CADM2: variants seen among roughly 807,000 people sequenced by gnomAD.
CADM2 encodes immunoglobulin superfamily member 4D.
CADM2 carries 12 observed loss-of-function variants against 49.8 expected under a neutral mutation model. The observed-to-expected ratio is 0.24, with a 90% CI of 0.15 to 0.39. CADM2 has a LOEUF of 0.39. CADM2 is among the 10% of genes least tolerant of loss of function. The pLI is 1.00. For missense variants in CADM2, 378 were observed against 492.3 expected (o/e 0.77, Z 2.20); for synonymous variants, 214 against 175.4 (o/e 1.22, Z -1.74).
At chr3:85,103,188 G>C (rs762790608) in intron 1 of CADM2, among the ~76,000 whole-genome samples, 26 of 152,156 alleles carry the variant, frequency 1.7e-4, no homozygotes, top group African/African-American at 5.8e-4. Flanking sequence ...ATGTTTTAAC[G>C]TAGGGAGAAA....
chr3:85,854,496 G>A (rs951437063), intron 3 of CADM2, among the ~76,000 whole-genome samples: 1 of 152,072 alleles, frequency 6.6e-6, no homozygotes, highest in Non-Finnish European at 1.5e-5. Context: ...TGATTAATCT[G>A]GAAACCATAA....
intron 1 of CADM2, among the ~76,000 whole-genome samples, chr3:85,249,791 G>T (rs2107857266): frequency 6.6e-6 from 1 of 151,884 alleles, no homozygotes; most frequent in Admixed American, 6.6e-5. Flanking sequence ...ATTCTCTAGA[G>T]ATTTACAAAG....
intron 1 of CADM2, among the ~76,000 whole-genome samples, chr3:85,536,431 T>C (rs1215014011): frequency 6.6e-6 from 1 of 151,486 alleles, no homozygotes; most frequent in Non-Finnish European, 1.5e-5. Flanking sequence ...TTAGCCTTTT[T>C]AAATTTTTGG....
Position 85,878,252 on chromosome 3 carries a change from C to A in CADM2, c.239-5039C>A, listed in dbSNP as rs560898841. Among the ~76,000 whole-genome samples the A allele has an allele frequency of 3.9e-5, 6 of 152,090 alleles. No individual in the cohort carries two copies. In the South Asian group the frequency reaches 1.2e-3, roughly 32 times the overall value. On this transcript the variant is annotated intron_variant, in intron 3 of 9. Coordinates refer to ENST00000383699, the MANE Select transcript of CADM2 (RefSeq NM_001167675.2). Reference sequence around the variant, plus strand: ...CAGTTCTAAAATTCTAAACCACATTCTTTATACTTTCACTGTGATGTAGCA... The same window carrying A: ...CAGTTCTAAAATTCTAAACCACATTATTTATACTTTCACTGTGATGTAGCA...
Position 85,486,941 on chromosome 3 carries a change from AT to A in CADM2, c.62-239569del, listed in dbSNP as rs11412583. ...ATATAGAATGTAAGCACTTTTAATA[AT>A]TTTTTTTTTTTAAATCACAGTGGGC... On this transcript the variant is annotated intron_variant, in intron 1 of 9. Coordinates refer to ENST00000383699, the MANE Select transcript of CADM2 (RefSeq NM_001167675.2). Among the ~76,000 whole-genome samples the A allele has an allele frequency of 2.5e-3, 375 of 149,648 alleles. 1 individual carries two copies. Among genetic ancestry groups the A allele is most frequent in the Middle Eastern group, 0.014 (4 of 286 alleles).
At chr3:85,192,698 C>T (rs11928383) in intron 1 of CADM2, among the ~76,000 whole-genome samples, 4,245 of 151,366 alleles carry the variant, frequency 0.028, 189 homozygotes, top group African/African-American at 0.096. Flanking sequence ...AAGATTTGTG[C>T]GGGAGGTGGG....
intron 1 of CADM2, among the ~76,000 whole-genome samples, chr3:85,585,741 T>TA (rs952927268): frequency 6.6e-6 from 1 of 151,992 alleles, no homozygotes; most frequent in African/African-American, 2.4e-5. Flanking sequence ...GACAAAATAA[T>TA]AGAGATTTAG....
chr3:84,970,476 A>ATCT (rs5850656), intron 1 of CADM2, among the ~76,000 whole-genome samples: 4 of 151,730 alleles, frequency 2.6e-5, no homozygotes, highest in Admixed American at 2.6e-4. Context: ...CTTAAAAGTC[A>ATCT]AGTTTTTCTT....
At chr3:85,097,334 A>AT (rs1210343890) in intron 1 of CADM2, among the ~76,000 whole-genome samples, 7 of 152,198 alleles carry the variant, frequency 4.6e-5, no homozygotes, top group Admixed American at 2.6e-4. Context: ...TGAATTCTTC[A>AT]TTTTTTATGG....
chr3:85,637,720 T>C (rs998729459), intron 1 of CADM2, among the ~76,000 whole-genome samples: 6 of 152,016 alleles, frequency 3.9e-5, no homozygotes, highest in African/African-American at 1.4e-4. Context: ...GACAATAACT[T>C]AGCCAAGAGC....
intron 1 of CADM2, among the ~76,000 whole-genome samples, chr3:85,371,218 A>G (rs574136890): frequency 6.6e-6 from 1 of 152,216 alleles, no homozygotes; most frequent in East Asian, 1.9e-4. Context: ...GCATACCATA[A>G]TGTCCAAGTT....
intron 7 of CADM2, among the ~76,000 whole-genome samples, chr3:85,957,061 G>T (rs1405228366): frequency 6.6e-6 from 1 of 151,534 alleles, no homozygotes; most frequent in Non-Finnish European, 1.5e-5. Flanking sequence ...GTGACTTTGT[G>T]GAAAGGGCAA....
At chr3:85,953,884 A>ATTTCTTT (rs1269432200) in intron 7 of CADM2, among the ~76,000 whole-genome samples, 2 of 150,950 alleles carry the variant, frequency 1.3e-5, no homozygotes, top group Admixed American at 1.3e-4. Context: ...TAAGTGTAGA[A>ATTTCTTT]TAGGACATTT....
At chr3:86,007,151 C>A (rs73134182) in intron 8 of CADM2, among the ~76,000 whole-genome samples, 1,541 of 147,774 alleles carry the variant, frequency 0.01, 22 homozygotes, top group Middle Eastern at 0.068. Flanking sequence ...TCCATTCTCC[C>A]GAAATTCTTA....
At chr3:85,197,134 G>A in intron 1 of CADM2, among the ~76,000 whole-genome samples, 1 of 151,822 alleles carries the variant, frequency 6.6e-6, no homozygotes, top group East Asian at 1.9e-4. Context: ...GAAGAAGGAA[G>A]AATCAAATGT....
chr3:85,577,984 T>TTTCCTTCCTTCTTCC (rs1553744874), intron 1 of CADM2, among the ~76,000 whole-genome samples: 1 of 134,220 alleles, frequency 7.5e-6, no homozygotes, highest in Non-Finnish European at 1.6e-5. Context: ...TATTAATCTC[T>TTTCCTTCCTTCTTCC]TTCCTTCCTT....
chr3:85,661,080 T>C (rs1291779563), intron 1 of CADM2, among the ~76,000 whole-genome samples: 1 of 152,126 alleles, frequency 6.6e-6, no homozygotes, highest in Non-Finnish European at 1.5e-5. Flanking sequence ...ATTTTAACCA[T>C]TGCTGTGAAC....
intron 1 of CADM2, among the ~76,000 whole-genome samples, chr3:85,235,716 A>T (rs1576181704): frequency 6.6e-6 from 1 of 152,202 alleles, no homozygotes; most frequent in East Asian, 1.9e-4. Context: ...TTATGATAAG[A>T]TCTATCTCTA....
intron 2 of CADM2, among the ~76,000 whole-genome samples, chr3:85,784,561 T>G (rs2070864199): frequency 6.6e-6 from 1 of 150,534 alleles, no homozygotes; most frequent in South Asian, 2.1e-4. Flanking sequence ...TATCTATCTA[T>G]CTATCTATCT....
Sources: gnomAD v4.1 joint callset for allele counts (sites outside exome capture counted in the v4.1 genomes callset) on GRCh38, gnomAD v4.1.1 for gene constraint, MANE v1.5 for transcripts, NCBI Gene and HGNC (gene_info 2026-07-23, HGNC 2026-07-21) for gene names.